Variants in FBXL2 observed in about 807,000 individuals in gnomAD.
FBXL2 encodes the protein F-box/LRR-repeat protein 2.
In FBXL2, 38 loss-of-function variants were observed where a neutral mutation model predicts 69.2. That is an observed-to-expected ratio of 0.55 (90% CI 0.42 to 0.72). FBXL2 has a LOEUF of 0.72. FBXL2 is among the 30% of genes least tolerant of loss of function. The pLI is 0.00. For missense variants in FBXL2, 354 were observed against 520.3 expected, an observed-to-expected ratio of 0.68 and a Z score of 3.11; for synonymous variants, 192 against 201.3, an observed-to-expected ratio of 0.95 and a Z score of 0.39.
intron 2 of FBXL2, among the ~76,000 whole-genome samples, chr3:33,306,287 G>T (rs1244291666): frequency 6.6e-6 from 1 of 151,674 alleles, no homozygotes; most frequent in African/African-American, 2.4e-5. Context: ...ACAATATATA[G>T]TCAGAGAACT....
At chr3:33,284,043 A>G (rs963111876) in intron 1 of FBXL2, among the ~76,000 whole-genome samples, 7 of 151,826 alleles carry the variant, frequency 4.6e-5, no homozygotes, top group Non-Finnish European at 7.4e-5. Context: ...TTGTGTCTCT[A>G]TCTCCTTCAG....
chr3:33,331,894 T>G (rs537576235), intron 2 of FBXL2, among the ~76,000 whole-genome samples: 16 of 151,990 alleles, frequency 1.1e-4, no homozygotes, highest in Non-Finnish European at 2.2e-4. Context: ...TACAGAGATA[T>G]AGAAAAGGTT....
the FBXL2 span, among the ~76,000 whole-genome samples, chr3:33,418,515 T>C: frequency 1.3e-5 from 2 of 151,486 alleles, no homozygotes; most frequent in African/African-American, 4.8e-5. Flanking sequence ...CGCCTCAGCC[T>C]CCCAAAATGC....
chr3:33,406,614 A>T (rs896704187), downstream of FBXL2, among the ~76,000 whole-genome samples: 2 of 152,260 alleles, frequency 1.3e-5, no homozygotes, highest in African/African-American at 4.8e-5. Flanking sequence ...AAGTTTACCA[A>T]AACTCCATAA....
chr3:33,316,832 G>C (rs1479340203), intron 2 of FBXL2, among the ~76,000 whole-genome samples: 1 of 152,082 alleles, frequency 6.6e-6, no homozygotes, highest in Non-Finnish European at 1.5e-5. Context: ...AATTCTATGA[G>C]TTGGGCAAAC....
the FBXL2 span, among the ~76,000 whole-genome samples, chr3:33,420,446 C>A: frequency 1.3e-5 from 2 of 151,606 alleles, no homozygotes; most frequent in African/African-American, 4.9e-5. Flanking sequence ...ATGCCTCAGC[C>A]TCCCAAGTAG....
At chr3:33,393,457 G>GA in intron 12 of FBXL2, 1 of 1,568,462 alleles carries the variant, frequency 6.4e-7, no homozygotes. Flanking sequence ...ATGATAAACT[G>GA]AAATTAAAAA....
At chr3:33,359,168 A>AT in intron 3 of FBXL2, 115 bp from the exon 4 acceptor site, 1 of 972,922 alleles carries the variant, frequency 1.0e-6, no homozygotes, top group Non-Finnish European at 1.5e-6. Context: ...GATTAACTTA[A>AT]TATACATCAA....
intron 1 of FBXL2, among the ~76,000 whole-genome samples, chr3:33,290,872 G>C (rs1384843500): frequency 6.6e-6 from 1 of 151,258 alleles, no homozygotes; most frequent in Non-Finnish European, 1.5e-5. Context: ...ATATAAAGGT[G>C]AACAGTAATA....
intron 5 of FBXL2, among the ~76,000 whole-genome samples, chr3:33,367,492 T>C (rs746054330): frequency 2.7e-4 from 41 of 152,352 alleles, no homozygotes; most frequent in Non-Finnish European, 4.6e-4. Context: ...CCTGGACTTA[T>C]TAGCATTAAG....
intron 2 of FBXL2, among the ~76,000 whole-genome samples, chr3:33,339,045 T>C (rs1470432734): frequency 3.3e-5 from 5 of 151,806 alleles, no homozygotes; most frequent in Admixed American, 6.6e-5. Context: ...AGGCCTAATA[T>C]CCAGAACCTA....
At chr3:33,420,264 T>G in the FBXL2 span, among the ~76,000 whole-genome samples, 1 of 152,236 alleles carries the variant, frequency 6.6e-6, no homozygotes, top group Non-Finnish European at 1.5e-5. Flanking sequence ...CTGAAATATT[T>G]AACGGAATTC....
chr3:33,403,556 G>GGTCTGTCTATCTAATCTA (rs2044318892), exon 13 of FBXL2: 1 of 18,288 alleles, frequency 5.5e-5, no homozygotes, highest in Admixed American at 6.0e-4. Context: ...CTGTCTGTCT[G>GGTCTGTCTATCTAATCTA]TCTGTCTGTC....
intron 12 of FBXL2, among the ~76,000 whole-genome samples, chr3:33,399,411 A>G (rs111865614): frequency 0.013 from 2,015 of 152,336 alleles, 18 homozygotes; most frequent in South Asian, 0.026. Flanking sequence ...TGCAAGAAAA[A>G]AAACTTACCC....
At chr3:33,337,786 T>G (rs1306170308) in intron 2 of FBXL2, among the ~76,000 whole-genome samples, 2 of 152,144 alleles carry the variant, frequency 1.3e-5, no homozygotes, top group Non-Finnish European at 2.9e-5. Flanking sequence ...ACCAACTTAA[T>G]GTACAAAAGT....
At chr3:33,422,495 T>C in the FBXL2 span, among the ~76,000 whole-genome samples, 1 of 151,942 alleles carries the variant, frequency 6.6e-6, no homozygotes, top group Non-Finnish European at 1.5e-5. Flanking sequence ...GGCAGGAAGA[T>C]CGTTTGAGCC....
chr3:33,344,987 T>A (rs1343604639), intron 2 of FBXL2, among the ~76,000 whole-genome samples: 4 of 152,228 alleles, frequency 2.6e-5, no homozygotes, highest in Non-Finnish European at 5.9e-5. Flanking sequence ...CCCAGATGGC[T>A]TCACTTGGGA....
intron 1 of FBXL2, among the ~76,000 whole-genome samples, chr3:33,287,049 G>A (rs1212981497): frequency 6.6e-6 from 1 of 152,198 alleles, no homozygotes; most frequent in Admixed American, 6.5e-5. Context: ...GCCCCAGTGA[G>A]ATGAACCTGG....
chr3:33,360,398 C>G (rs1039324502), intron 4 of FBXL2, among the ~76,000 whole-genome samples: 1 of 152,142 alleles, frequency 6.6e-6, no homozygotes. Context: ...TGGTTCTCAT[C>G]TTAAACCAGT....
Sources: allele counts gnomAD v4.1 joint callset (sites outside exome capture counted in the v4.1 genomes callset), GRCh38; gene constraint gnomAD v4.1.1; transcripts MANE v1.5; gene names NCBI Gene and HGNC (gene_info 2026-07-23, HGNC 2026-07-21).